GRID2: variants seen among roughly 807,000 people sequenced by gnomAD.
GRID2 encodes glutamate ionotropic receptor delta type subunit 2.
A neutral mutation model predicts 114.8 loss-of-function variants in GRID2; 33 were observed. The ratio of observed to expected loss-of-function variants is 0.29; its 90% CI spans 0.22 to 0.38. The LOEUF (loss-of-function observed/expected upper bound fraction) is 0.38, where lower values mean the gene tolerates loss of function less well. GRID2 is among the 10% of genes least tolerant of loss of function. GRID2 has a pLI of 1.00. For missense variants in GRID2, 1,184 were observed against 1,257.7 expected (o/e 0.94, Z 0.89); for synonymous variants, 505 against 449.9 (o/e 1.12, Z -1.55).
At chr4:93,436,074 G>A (rs1721051652) in intron 10 of GRID2, among the ~76,000 whole-genome samples, 1 of 152,032 alleles carries the variant, frequency 6.6e-6, no homozygotes, top group South Asian at 2.1e-4. Context: ...AGGTGTCTTT[G>A]GTTGCAAATG....
At chr4:92,757,830 G>A (rs1737803030) in intron 2 of GRID2, among the ~76,000 whole-genome samples, 1 of 150,584 alleles carries the variant, frequency 6.6e-6, no homozygotes. Context: ...CTGCCGAGAA[G>A]TTACTTAAAA....
intron 11 of GRID2, among the ~76,000 whole-genome samples, chr4:93,468,639 TAGG>T (rs1020269852): frequency 2.6e-5 from 4 of 152,052 alleles, no homozygotes; most frequent in Non-Finnish European, 5.9e-5. Flanking sequence ...CATAGTTTAG[TAGG>T]AGGTGAGGAC....
At chr4:93,039,260 T>C (rs1009897676) in intron 2 of GRID2, among the ~76,000 whole-genome samples, 16 of 150,814 alleles carry the variant, frequency 1.1e-4, no homozygotes, top group Non-Finnish European at 2.1e-4. Context: ...TAAGTGGGAG[T>C]TGAACAATGA....
intron 1 of GRID2, among the ~76,000 whole-genome samples, chr4:92,580,989 T>C (rs529043358): frequency 9.5e-4 from 145 of 151,970 alleles, no homozygotes; most frequent in African/African-American, 3.3e-3. Flanking sequence ...CTTTTTGTTC[T>C]TGTCATGGCA....
chr4:92,944,293 C>T (rs957324291), intron 2 of GRID2, among the ~76,000 whole-genome samples: 5 of 152,196 alleles, frequency 3.3e-5, no homozygotes, highest in African/African-American at 1.2e-4. Context: ...CTCCCCCAGC[C>T]TTGCTGCCAC....
chr4:93,321,033 T>A (rs1055921456), intron 8 of GRID2, among the ~76,000 whole-genome samples: 1 of 152,046 alleles, frequency 6.6e-6, no homozygotes, highest in African/African-American at 2.4e-5. Context: ...CCCTTCATAG[T>A]TGCCCCAAAT....
chr4:93,201,001 G>T (rs547943338), intron 4 of GRID2, among the ~76,000 whole-genome samples: 3 of 152,074 alleles, frequency 2.0e-5, no homozygotes, highest in Non-Finnish European at 4.4e-5. Flanking sequence ...ATTCTATTGT[G>T]TGGGCACTAT....
intron 2 of GRID2, among the ~76,000 whole-genome samples, chr4:92,606,149 C>G (rs1241757006): frequency 6.9e-6 from 1 of 144,190 alleles, no homozygotes; most frequent in Non-Finnish European, 1.6e-5. Flanking sequence ...AGAAAGAAAC[C>G]TCATTTTGTG....
intron 2 of GRID2, among the ~76,000 whole-genome samples, chr4:92,954,614 T>C (rs1752258151): frequency 2.6e-5 from 4 of 151,260 alleles, no homozygotes; most frequent in Admixed American, 2.6e-4. Flanking sequence ...TAATTTTCTT[T>C]TTTTTTTATT....
chr4:92,525,588 T>C (rs1212118599), intron 1 of GRID2, among the ~76,000 whole-genome samples: 1 of 152,080 alleles, frequency 6.6e-6, no homozygotes, highest in African/African-American at 2.4e-5. Flanking sequence ...AGAAACTATC[T>C]GGAAGCAGCT....
At chr4:93,233,340 T>G (rs34620138) in intron 7 of GRID2, among the ~76,000 whole-genome samples, 5 of 150,778 alleles carry the variant, frequency 3.3e-5, no homozygotes, top group Non-Finnish European at 5.9e-5. Flanking sequence ...TTATTATTTT[T>G]TTTTTTATTT....
At chr4:93,168,870 C>G (rs922719594) in intron 4 of GRID2, among the ~76,000 whole-genome samples, 2 of 151,958 alleles carry the variant, frequency 1.3e-5, no homozygotes, top group Non-Finnish European at 2.9e-5. Context: ...CATTTGTGCC[C>G]ATGAAACTTG....
chr4:92,501,018 T>G (rs1036397704), intron 1 of GRID2, among the ~76,000 whole-genome samples: 4 of 152,180 alleles, frequency 2.6e-5, no homozygotes, highest in African/African-American at 9.7e-5. Flanking sequence ...CGTGCTATTT[T>G]TCTGAATACC....
chr4:92,444,166 C>G (rs1468336108), intron 1 of GRID2, among the ~76,000 whole-genome samples: 1 of 152,112 alleles, frequency 6.6e-6, no homozygotes, highest in Non-Finnish European at 1.5e-5. Context: ...ATTGATCTCC[C>G]AAGGGAGGTC....
intron 8 of GRID2, among the ~76,000 whole-genome samples, chr4:93,370,386 CACAA>C (rs746649810): frequency 5.4e-5 from 8 of 147,104 alleles, no homozygotes; most frequent in Non-Finnish European, 1.2e-4. Context: ...CATACACACA[CACAA>C]ACACACACAA....
chr4:93,203,568 A>G (rs1742338819), intron 4 of GRID2, among the ~76,000 whole-genome samples: 1 of 152,214 alleles, frequency 6.6e-6, no homozygotes, highest in South Asian at 2.1e-4. Flanking sequence ...TTATAAAATC[A>G]CAGAATTAAA....
chr4:92,930,565 T>C (rs911677565), intron 2 of GRID2, among the ~76,000 whole-genome samples: 1 of 150,052 alleles, frequency 6.7e-6, no homozygotes, highest in African/African-American at 2.4e-5. Context: ...CTTTATCTTG[T>C]TACACTTTCG....
intron 7 of GRID2, among the ~76,000 whole-genome samples, chr4:93,230,052 T>A (rs992702476): frequency 6.6e-6 from 1 of 152,066 alleles, no homozygotes; most frequent in African/African-American, 2.4e-5. Flanking sequence ...ATCCATATAG[T>A]TAGCTTTTTG....
chr4:93,159,234 A>G (rs1451548915), intron 4 of GRID2, among the ~76,000 whole-genome samples: 2 of 151,816 alleles, frequency 1.3e-5, no homozygotes, highest in African/African-American at 4.8e-5. Context: ...AGAATCAATA[A>G]GGCCGACTCT....
Sources: allele counts gnomAD v4.1 joint callset (sites outside exome capture counted in the v4.1 genomes callset), GRCh38; gene constraint gnomAD v4.1.1; transcripts MANE v1.5; gene names NCBI Gene and HGNC (gene_info 2026-07-23, HGNC 2026-07-21).